The following PRKG1 variants were observed in gnomAD, a reference collection of about 807,000 sequenced individuals.
PRKG1 encodes protein kinase cGMP-dependent 1.
Under a neutral mutation model 88.1 loss-of-function variants are expected in PRKG1, and 35 were observed. The ratio of observed to expected loss-of-function variants is 0.40; its 90% confidence interval spans 0.30 to 0.53. PRKG1 has a LOEUF of 0.53. Ranked by LOEUF, PRKG1 falls within the 20% of genes least tolerant of loss-of-function variation. The pLI is 0.59. For synonymous variants in PRKG1, 303 were observed against 292.5 expected (o/e 1.04, Z -0.37); for missense variants, 540 against 839.8 (o/e 0.64, Z 4.41).
chr10:51,431,182 A>C (rs928770684), intron 2 of PRKG1, among the ~76,000 whole-genome samples: 1 of 152,160 alleles, frequency 6.6e-6, no homozygotes, highest in African/African-American at 2.4e-5. Context: ...AGTGAAGAGA[A>C]AGTGTATCAA....
Position 51,445,315 on chromosome 10 carries a change from C to T in PRKG1, c.479-22408C>T, listed in dbSNP as rs1248269393. Among the ~76,000 whole-genome samples the T allele has an allele frequency of 1.4e-4, 21 of 151,764 alleles. 1 individual carries two copies. The highest frequency in any genetic ancestry group is 2.4e-4 in the African/African-American group (10 of 41,368). On this transcript the variant is annotated intron_variant, in intron 2 of 17. Transcript: ENST00000373980. Reference sequence around the variant, plus strand: ...GTATGTTTCTAATTTAAAGCTTTATCGTAATCATCACAGGTGAAAATGGAC... The same window carrying T: ...GTATGTTTCTAATTTAAAGCTTTATTGTAATCATCACAGGTGAAAATGGAC...
chr10:51,453,549 A>G (rs1588972971), intron 2 of PRKG1, among the ~76,000 whole-genome samples: 1 of 152,012 alleles, frequency 6.6e-6, no homozygotes, highest in Admixed American at 6.6e-5. Flanking sequence ...TTTAATTTCC[A>G]TCTTGGTTTC....
chr10:51,344,059 A>G (rs1036732345), intron 2 of PRKG1, among the ~76,000 whole-genome samples: 2 of 152,238 alleles, frequency 1.3e-5, no homozygotes, highest in Admixed American at 6.5e-5. Context: ...TTGCATTGCT[A>G]TAAAGAAATA....
intron 2 of PRKG1, among the ~76,000 whole-genome samples, chr10:51,380,269 T>C (rs1026825630): frequency 2.0e-5 from 3 of 152,204 alleles, no homozygotes; most frequent in Non-Finnish European, 4.4e-5. Context: ...TTGCTAACTA[T>C]TTGGGAGTTT....
chr10:51,582,286 T>C (rs1429630131), intron 3 of PRKG1, among the ~76,000 whole-genome samples: 2 of 152,202 alleles, frequency 1.3e-5, no homozygotes, highest in Non-Finnish European at 2.9e-5. Context: ...GCCTGTGACC[T>C]CTGCAGTGAG....
chr10:52,033,725 TCTA>T (rs1200702678), intron 5 of PRKG1, among the ~76,000 whole-genome samples: 2 of 152,118 alleles, frequency 1.3e-5, no homozygotes, highest in Non-Finnish European at 2.9e-5. Context: ...TTCTAGGGCT[TCTA>T]CTAAGTGGGT....
At chr10:51,908,375 G>A (rs981176274) in intron 5 of PRKG1, 3 of 152,300 alleles carry the variant, frequency 2.0e-5, no homozygotes, top group Non-Finnish European at 4.4e-5. Flanking sequence ...TACAGGAATA[G>A]TGTATGGGGG....
chr10:51,748,061 A>G (rs1837625777), intron 3 of PRKG1, among the ~76,000 whole-genome samples: 1 of 152,228 alleles, frequency 6.6e-6, no homozygotes, highest in Non-Finnish European at 1.5e-5. Flanking sequence ...TTCAAGTCCT[A>G]TAATATGATT....
intron 2 of PRKG1, among the ~76,000 whole-genome samples, chr10:51,187,113 T>C (rs1298418794): frequency 6.6e-6 from 1 of 151,674 alleles, no homozygotes; most frequent in Non-Finnish European, 1.5e-5. Flanking sequence ...TCTAATTATT[T>C]AATCAGAATT....
At chr10:51,924,766 G>A (rs1356850628) in intron 5 of PRKG1, among the ~76,000 whole-genome samples, 1 of 148,336 alleles carries the variant, frequency 6.7e-6, no homozygotes, top group Non-Finnish European at 1.5e-5. Context: ...AGTTTTGGAA[G>A]TTTTTATTTA....
intron 2 of PRKG1, among the ~76,000 whole-genome samples, chr10:51,303,435 T>A (rs1463667852): frequency 1.3e-5 from 2 of 151,884 alleles, no homozygotes; most frequent in African/African-American, 4.8e-5. Flanking sequence ...GTCAGTGACA[T>A]CTGCCAAAAC....
intron 17 of PRKG1, 112 bp downstream of exon 17, chr10:52,290,402 C>T (rs2132462680): frequency 1.1e-6 from 1 of 907,504 alleles, no homozygotes; most frequent in Non-Finnish European, 1.6e-6. Context: ...TAAACAAACT[C>T]TAGGAAAAAT....
intron 5 of PRKG1, among the ~76,000 whole-genome samples, chr10:51,965,453 T>A (rs1843545418): frequency 6.6e-6 from 1 of 152,238 alleles, no homozygotes; most frequent in African/African-American, 2.4e-5. Flanking sequence ...ATGTAAGATT[T>A]AATTTTGAAA....
intron 5 of PRKG1, among the ~76,000 whole-genome samples, chr10:51,994,473 AC>A (rs1844387302): frequency 6.6e-6 from 1 of 151,870 alleles, no homozygotes. Flanking sequence ...CTATCTAAGA[AC>A]CCCTCTGGGC....
intron 1 of PRKG1, among the ~76,000 whole-genome samples, chr10:51,042,960 C>T (rs563971915): frequency 6.6e-6 from 1 of 152,286 alleles, no homozygotes; most frequent in Non-Finnish European, 1.5e-5. Flanking sequence ...CACCAGTTAT[C>T]AAACCCTGCC....
At chr10:51,163,010 A>G (rs896509253) in intron 2 of PRKG1, among the ~76,000 whole-genome samples, 4 of 152,106 alleles carry the variant, frequency 2.6e-5, no homozygotes, top group Non-Finnish European at 5.9e-5. Flanking sequence ...TGATCCACCA[A>G]GCAGACCTGC....
chr10:51,504,829 G>A (rs552359417), intron 3 of PRKG1, among the ~76,000 whole-genome samples: 8 of 152,282 alleles, frequency 5.3e-5, no homozygotes, highest in African/African-American at 1.9e-4. Context: ...TTTGTATCCT[G>A]AGACTTTGCT....
intron 3 of PRKG1, among the ~76,000 whole-genome samples, chr10:51,742,713 G>T (rs964251901): frequency 6.6e-6 from 1 of 152,152 alleles, no homozygotes; most frequent in Admixed American, 6.5e-5. Context: ...GTGTAAAGGT[G>T]TAGTATGGGT....
chr10:51,892,128 C>T (rs1265103264), intron 4 of PRKG1, among the ~76,000 whole-genome samples: 1 of 152,134 alleles, frequency 6.6e-6, no homozygotes, highest in African/African-American at 2.4e-5. Flanking sequence ...GTATGGAATT[C>T]CTCAATACGT....
Sources: gnomAD v4.1 joint callset for allele counts (sites outside exome capture counted in the v4.1 genomes callset) on GRCh38, gnomAD v4.1.1 for gene constraint, MANE v1.5 for transcripts, NCBI Gene and HGNC (gene_info 2026-07-23, HGNC 2026-07-21) for gene names.